The following CCDC178 variants were observed in gnomAD, a reference collection of about 807,000 sequenced individuals.
The protein encoded by CCDC178 is coiled-coil domain containing 178.
Under a neutral mutation model 117.4 loss-of-function variants are expected in CCDC178, and 126 were observed. The observed-to-expected ratio is 1.07, with a 90% CI of 0.93 to 1.24. The LOEUF is 1.24. Among genes scored for constraint, CCDC178 ranks in the 50% most tolerant of loss-of-function variants. The pLI is 0.00. For missense variants in CCDC178, 1,030 were observed against 986.9 expected, an observed-to-expected ratio of 1.04 and a Z score of -0.59; for synonymous variants, 283 against 313.4, an observed-to-expected ratio of 0.90 and a Z score of 1.02.
intron 11 of CCDC178, among the ~76,000 whole-genome samples, chr18:33,306,999 C>A (rs895079116): frequency 6.6e-6 from 1 of 152,178 alleles, no homozygotes; most frequent in Non-Finnish European, 1.5e-5. Context: ...CCTGAGGCCT[C>A]CCCAGCCCTG....
chr18:33,274,510 T>C (rs1373810541), intron 12 of CCDC178, among the ~76,000 whole-genome samples: 4 of 151,774 alleles, frequency 2.6e-5, no homozygotes, highest in South Asian at 4.1e-4. Flanking sequence ...CAAAAATCCA[T>C]CTACTAAAGA....
intron 11 of CCDC178, among the ~76,000 whole-genome samples, chr18:33,313,556 A>C (rs2062371627): frequency 6.6e-6 from 1 of 152,106 alleles, no homozygotes; most frequent in South Asian, 2.1e-4. Flanking sequence ...ATTGCAGGCC[A>C]TTTTTTTAAA....
chr18:33,316,126 G>A (rs543097158), intron 11 of CCDC178, among the ~76,000 whole-genome samples: 17 of 152,312 alleles, frequency 1.1e-4, no homozygotes, highest in African/African-American at 3.8e-4. Context: ...CCACTCTGGC[G>A]GAGCTTGAGG....
In CCDC178 at chr18:33,266,958, A is replaced by C; in HGVS notation, c.1367T>G (p.Leu456Arg). ...TGTTATTTTGTTAATATCAATCTCA[A>C]GTTTTTTATTGTCTTCCGTCAGTTT... ...CTKLTEDNKKLEIDINKITVK... is the reference protein window; with the variant it reads ...CTKLTEDNKKREIDINKITVK... The change falls in exon 14 of 23, where the codon CTT becomes CGT. Residue 456 changes from leucine to arginine, a missense_variant. Physicochemically the swap from Leu to Arg is moderately radical, Grantham distance 102. Transcript: ENST00000383096. 1 of 1,589,826 alleles carries C rather than the reference A, an allele frequency of 6.3e-7. No individual in the cohort carries two copies. Among genetic ancestry groups the C allele is most frequent in the Non-Finnish European group, 8.5e-7 (1 of 1,172,848 alleles).
intron 20 of CCDC178, among the ~76,000 whole-genome samples, chr18:33,201,084 C>T (rs1409938117): frequency 6.6e-6 from 1 of 152,196 alleles, no homozygotes. Context: ...GACATTGTGA[C>T]AGACCCTGGA....
At chr18:33,419,043 T>C (rs1162536544) in intron 2 of CCDC178, among the ~76,000 whole-genome samples, 1 of 151,980 alleles carries the variant, frequency 6.6e-6, no homozygotes, top group African/African-American at 2.4e-5. Context: ...CAAACTATAC[T>C]ACAAGGCTAC....
chr18:32,955,183 T>C (rs1190380254), intron 22 of CCDC178, among the ~76,000 whole-genome samples: 1 of 152,162 alleles, frequency 6.6e-6, no homozygotes, highest in Non-Finnish European at 1.5e-5. Flanking sequence ...CTCTTTTTCT[T>C]TACATCAATT....
intron 11 of CCDC178, among the ~76,000 whole-genome samples, chr18:33,309,021 G>A (rs1224681116): frequency 6.6e-6 from 1 of 152,052 alleles, no homozygotes; most frequent in South Asian, 2.1e-4. Context: ...TTAAATTATT[G>A]ATAAAACAAA....
chr18:33,319,048 A>AT (rs1299620622), intron 11 of CCDC178, among the ~76,000 whole-genome samples: 4 of 151,870 alleles, frequency 2.6e-5, no homozygotes, highest in South Asian at 2.1e-4. Context: ...AAATATATAT[A>AT]TTTTTTATTA....
chr18:33,129,596 A>G (rs1281104303), intron 20 of CCDC178, among the ~76,000 whole-genome samples: 1 of 152,070 alleles, frequency 6.6e-6, no homozygotes, highest in Non-Finnish European at 1.5e-5. Context: ...TGTTAATGCT[A>G]AAACTTGGAT....
chr18:33,262,695 G>A (rs1455056452), intron 14 of CCDC178, among the ~76,000 whole-genome samples: 7 of 151,912 alleles, frequency 4.6e-5, no homozygotes, highest in African/African-American at 7.3e-5. Context: ...CTTTCTCTAA[G>A]CTTCAGCCAC....
At chr18:33,179,548 C>T (rs551029196) in intron 20 of CCDC178, among the ~76,000 whole-genome samples, 2 of 151,850 alleles carry the variant, frequency 1.3e-5, no homozygotes, top group Non-Finnish European at 2.9e-5. Context: ...AAAGAAATAG[C>T]AAACTAATGT....
rs1042206219 is a variant in CCDC178 at position 33,105,628 on chromosome 18, C to G, written c.2239-12718G>C. On this transcript the variant is annotated intron_variant, in intron 20 of 22. Transcript: ENST00000383096. ...TTTTATTCAGTGGAGAAACATTTCA[C>G]AATTCATTTTTACAACATAAAAACA... 1.1e-4 allele frequency among the ~76,000 whole-genome samples: 16 copies of G among 151,572 alleles called. 1 individual carries two copies. In the South Asian group the frequency reaches 3.3e-3, roughly 31 times the overall value.
chr18:33,376,962 T>C (rs186289053), intron 5 of CCDC178, among the ~76,000 whole-genome samples: 1 of 152,334 alleles, frequency 6.6e-6, no homozygotes, highest in African/African-American at 2.4e-5. Flanking sequence ...TTTGGATATA[T>C]ATCCAGCAAC....
At chr18:33,061,515 C>T (rs370130132) in intron 21 of CCDC178, among the ~76,000 whole-genome samples, 2 of 152,108 alleles carry the variant, frequency 1.3e-5, no homozygotes, top group South Asian at 2.1e-4. Context: ...ATTTGAAATG[C>T]TTCCTGATAT....
intron 21 of CCDC178, among the ~76,000 whole-genome samples, chr18:33,081,536 C>G (rs201281651): frequency 2.6e-5 from 4 of 151,410 alleles, no homozygotes; most frequent in Non-Finnish European, 4.4e-5. Flanking sequence ...AAAAGTCAAG[C>G]AAGCCATATT....
At chr18:32,949,835 T>C (rs2054440660) in intron 22 of CCDC178, among the ~76,000 whole-genome samples, 1 of 152,146 alleles carries the variant, frequency 6.6e-6, no homozygotes, top group Non-Finnish European at 1.5e-5. Context: ...CATATTCCTA[T>C]ATATATAGTT....
At chr18:33,141,366 A>G (rs1475598768) in intron 20 of CCDC178, among the ~76,000 whole-genome samples, 2 of 152,138 alleles carry the variant, frequency 1.3e-5, no homozygotes, top group East Asian at 1.9e-4. Context: ...GTAAAAATGT[A>G]TCTCTGGCCT....
At chr18:33,302,309 C>G (rs866402991) in intron 11 of CCDC178, among the ~76,000 whole-genome samples, 2 of 152,146 alleles carry the variant, frequency 1.3e-5, no homozygotes, top group South Asian at 4.1e-4. Flanking sequence ...TTATAAATTA[C>G]TGAGCCTCAG....
Sources: gnomAD v4.1 joint callset for allele counts (sites outside exome capture counted in the v4.1 genomes callset) on GRCh38, gnomAD v4.1.1 for gene constraint, MANE v1.5 for transcripts, NCBI Gene and HGNC (gene_info 2026-07-23, HGNC 2026-07-21) for gene names.